The following CHP1 variants were observed in gnomAD, a reference collection of about 807,000 sequenced individuals.
CHP1 encodes the protein calcineurin B homologous protein 1.
CHP1 carries 11 observed loss-of-function variants against 27.4 expected under a neutral mutation model. The observed-to-expected ratio is 0.40, with a 90% CI of 0.25 to 0.67. CHP1 has a LOEUF of 0.67. Ranked by LOEUF, CHP1 falls within the 30% of genes least tolerant of loss-of-function variation. The pLI is 0.38. For synonymous variants in CHP1, 89 were observed against 87.4 expected (o/e 1.02, Z -0.10); for missense variants, 169 against 251.3 (o/e 0.67, Z 2.22).
chr15:41,247,438 G>GGCAGGCAGATC (rs1238706775), intron 2 of CHP1, among the ~76,000 whole-genome samples: 1 of 151,996 alleles, frequency 6.6e-6, no homozygotes, highest in Middle Eastern at 3.5e-3. Flanking sequence ...GGGAGGCCGA[G>GGCAGGCAGATC]ATGGGTGGAT....
chr15:41,257,802 C>T (rs772681782), intron 3 of CHP1, among the ~76,000 whole-genome samples: 11 of 152,132 alleles, frequency 7.2e-5, no homozygotes, highest in Non-Finnish European at 1.3e-4. Context: ...TCAGGTGATC[C>T]GCCTGCCTCA....
At chr15:41,258,284 AT>A (rs2047413216) in intron 3 of CHP1, among the ~76,000 whole-genome samples, 2 of 152,224 alleles carry the variant, frequency 1.3e-5, no homozygotes, top group Non-Finnish European at 1.5e-5. Flanking sequence ...GAATAGGGAC[AT>A]TCTTTTACAT....
At chr15:41,253,867 C>T (rs1336423843) in intron 2 of CHP1, among the ~76,000 whole-genome samples, 3 of 152,064 alleles carry the variant, frequency 2.0e-5, no homozygotes, top group Admixed American at 2.0e-4. Context: ...TCCTTGCAGC[C>T]TTGACCTTCT....
At chr15:41,237,609 G>T (rs924064751) in intron 1 of CHP1, among the ~76,000 whole-genome samples, 1 of 152,178 alleles carries the variant, frequency 6.6e-6, no homozygotes, top group Non-Finnish European at 1.5e-5. Context: ...TCCGGGAAGC[G>T]CAGGCTTCAA....
chr15:41,252,263 G>A (rs1459363449), intron 2 of CHP1, among the ~76,000 whole-genome samples: 4 of 151,152 alleles, frequency 2.6e-5, no homozygotes, highest in South Asian at 4.2e-4. Flanking sequence ...TCCGCCTCCC[G>A]GGTTCAAGCA....
At chr15:41,262,630 T>C (rs2047439197) in intron 3 of CHP1, 126 bp from the exon 4 acceptor site, 8 of 1,245,864 alleles carry the variant, frequency 6.4e-6, no homozygotes, top group Non-Finnish European at 8.0e-6. Context: ...ACCATGCGTA[T>C]GGAAAGAAAC....
At chr15:41,269,632 G>T (rs1266072702) in intron 4 of CHP1, among the ~76,000 whole-genome samples, 1 of 152,124 alleles carries the variant, frequency 6.6e-6, no homozygotes, top group African/African-American at 2.4e-5. Flanking sequence ...AGAGTCGTGT[G>T]TCTTGCCCTC....
intron 1 of CHP1, among the ~76,000 whole-genome samples, chr15:41,241,248 G>C (rs1430621414): frequency 6.6e-6 from 1 of 152,256 alleles, no homozygotes; most frequent in Non-Finnish European, 1.5e-5. Flanking sequence ...AACTGGGATA[G>C]ACTGGTCAAG....
intron 4 of CHP1, among the ~76,000 whole-genome samples, chr15:41,266,670 G>A (rs1242580100): frequency 6.6e-6 from 1 of 152,116 alleles, no homozygotes; most frequent in Admixed American, 6.6e-5. Flanking sequence ...ATAAAATGTT[G>A]TGTACACATA....
chr15:41,262,508 G>T (rs1192745748), intron 3 of CHP1, among the ~76,000 whole-genome samples: 2 of 152,122 alleles, frequency 1.3e-5, no homozygotes, highest in African/African-American at 4.8e-5. Flanking sequence ...TTTATCCCTG[G>T]TAAGTCCTGT....
intron 1 of CHP1, 51 bp downstream of exon 1, chr15:41,231,500 A>AACCAAGGGC (rs1374402147): frequency 6.5e-7 from 1 of 1,544,310 alleles, no homozygotes; most frequent in Admixed American, 1.9e-5. Flanking sequence ...CTGGCCTCAC[A>AACCAAGGGC]ACCAAGGGCG....
In CHP1 at chr15:41,281,377, C is replaced by G. The variant is rs1199539634; in HGVS notation, c.*1988C>G. 6.6e-6 allele frequency: 1 copy of G among 152,644 alleles called. No individual in the cohort carries two copies. The highest frequency in any genetic ancestry group is 2.1e-4 in the South Asian group (1 of 4,830). The allele number at this position is 152,644 out of a possible 1,614,324, so 9.5% of individuals were successfully genotyped here. On this transcript the variant is annotated 3_prime_UTR_variant, in exon 7 of 7. Transcript: ENST00000334660. Reference sequence around the variant, plus strand: ...GCATTACAGATCTTTGAGCGAGCCACAGCAACTTTTCTGCCAAGTCAGCTT... The same window carrying G: ...GCATTACAGATCTTTGAGCGAGCCAGAGCAACTTTTCTGCCAAGTCAGCTT...
chr15:41,276,066 TC>T (rs2047518227), intron 5 of CHP1, among the ~76,000 whole-genome samples: 1 of 151,610 alleles, frequency 6.6e-6, no homozygotes, highest in South Asian at 2.1e-4. Context: ...CATGGCAAAA[TC>T]CCGTCTCTAC....
intron 3 of CHP1, among the ~76,000 whole-genome samples, chr15:41,261,526 C>CT (rs1326344282): frequency 6.6e-6 from 1 of 151,998 alleles, no homozygotes; most frequent in African/African-American, 2.4e-5. Flanking sequence ...ATCTACTTTT[C>CT]TTTTTTCCAC....
chr15:41,244,681 A>G (rs1298447425), intron 2 of CHP1, among the ~76,000 whole-genome samples: 1 of 152,192 alleles, frequency 6.6e-6, no homozygotes, highest in African/African-American at 2.4e-5. Flanking sequence ...ATTCTGGTCT[A>G]GATGTCGGTA....
intron 2 of CHP1, among the ~76,000 whole-genome samples, chr15:41,255,543 C>T (rs983597760): frequency 2.6e-5 from 4 of 151,756 alleles, no homozygotes; most frequent in South Asian, 2.1e-4. Context: ...CATGGTAGCA[C>T]CCGCTTGTAA....
At chr15:41,251,147 A>C (rs2047364687) in intron 2 of CHP1, among the ~76,000 whole-genome samples, 1 of 152,076 alleles carries the variant, frequency 6.6e-6, no homozygotes, top group Non-Finnish European at 1.5e-5. Context: ...GATGTTTTTA[A>C]AGCAAACTTT....
At chr15:41,275,317 G>C (rs1391770752) in intron 5 of CHP1, among the ~76,000 whole-genome samples, 1 of 151,884 alleles carries the variant, frequency 6.6e-6, no homozygotes, top group Non-Finnish European at 1.5e-5. Context: ...ACCATGCCTA[G>C]CTAATTTTTG....
At chr15:41,233,910 A>G (rs551202549) in intron 1 of CHP1, among the ~76,000 whole-genome samples, 3 of 152,254 alleles carry the variant, frequency 2.0e-5, no homozygotes, top group African/African-American at 7.2e-5. Context: ...CCATCAGTTT[A>G]TCCAAATAGT....
Sources: gnomAD v4.1 joint callset for allele counts (sites outside exome capture counted in the v4.1 genomes callset) on GRCh38, gnomAD v4.1.1 for gene constraint, MANE v1.5 for transcripts, NCBI Gene and HGNC (gene_info 2026-07-23, HGNC 2026-07-21) for gene names.